The following PRDM5 variants were observed in gnomAD, a reference collection of about 807,000 sequenced individuals.
PRDM5 encodes the protein PR domain zinc finger protein 5.
In PRDM5, 56 loss-of-function variants were observed where a neutral mutation model predicts 81.2. That is an observed-to-expected ratio of 0.69 (90% confidence interval 0.56 to 0.86). The LOEUF (loss-of-function observed/expected upper bound fraction) is 0.86, where lower values mean the gene tolerates loss of function less well. Ranked by LOEUF, PRDM5 falls within the 40% of genes least tolerant of loss-of-function variation. The pLI is 0.00. For synonymous variants in PRDM5, 267 were observed against 256.4 expected, an observed-to-expected ratio of 1.04 and a Z score of -0.39; for missense variants, 697 against 770.1, an observed-to-expected ratio of 0.91 and a Z score of 1.12.
chr4:120,839,257 G>C, intron 3 of PRDM5: 1 of 703,102 alleles, frequency 1.4e-6, no homozygotes, highest in Non-Finnish European at 2.6e-6. Flanking sequence ...GCCATTCGGC[G>C]GGTCCCAAAT....
intron 15 of PRDM5, among the ~76,000 whole-genome samples, chr4:120,701,774 T>C (rs894505144): frequency 8.6e-5 from 13 of 151,912 alleles, no homozygotes; most frequent in Admixed American, 2.6e-4. Flanking sequence ...TCATGCAATA[T>C]ACCCATGTAC....
intron 14 of PRDM5, among the ~76,000 whole-genome samples, chr4:120,736,456 G>T (rs1741146459): frequency 6.6e-6 from 1 of 152,084 alleles, no homozygotes; most frequent in Non-Finnish European, 1.5e-5. Context: ...ACCAGCGAGA[G>T]ACAAAGTAAT....
At chr4:120,899,417 C>A (rs1765002790) in intron 2 of PRDM5, among the ~76,000 whole-genome samples, 1 of 152,180 alleles carries the variant, frequency 6.6e-6, no homozygotes. Context: ...TTTCCTGACT[C>A]AATTCCTGCC....
chr4:120,911,255 G>A (rs1212793494), intron 1 of PRDM5, among the ~76,000 whole-genome samples: 1 of 152,182 alleles, frequency 6.6e-6, no homozygotes, highest in Non-Finnish European at 1.5e-5. Context: ...GATTTTTAGA[G>A]AAGCTAATAA....
rs1157453509 is a variant in PRDM5, at chr4:120,742,852, T to G, written c.1623+11701A>C. Among the ~76,000 whole-genome samples the G allele has an allele frequency of 1.6e-4, 25 of 152,174 alleles. No individual in the cohort carries two copies. The East Asian group carries it at 3.7e-3, about 22-fold the overall frequency. ...AGAATGGAACCAAGTTGGAAAACACTCTGCAGGATATTATCCAGGAGAATT... is the reference window on the plus strand; with the variant it reads ...AGAATGGAACCAAGTTGGAAAACACGCTGCAGGATATTATCCAGGAGAATT... On this transcript the variant is annotated intron_variant, in intron 14 of 15. Coordinates refer to ENST00000264808, the MANE Select transcript of PRDM5 (RefSeq NM_018699.4).
intron 2 of PRDM5, among the ~76,000 whole-genome samples, chr4:120,893,541 G>A (rs72680474): frequency 0.074 from 11,319 of 152,200 alleles, 545 homozygotes; most frequent in Middle Eastern, 0.19. Context: ...TTCCATGTGC[G>A]TTACTTGACC....
intron 15 of PRDM5, among the ~76,000 whole-genome samples, chr4:120,707,273 G>A (rs960553596): frequency 1.2e-4 from 18 of 151,282 alleles, no homozygotes; most frequent in African/African-American, 3.9e-4. Context: ...ACAGTGGTTC[G>A]AATAGGAAAA....
At chr4:120,893,483 C>A (rs542719487) in intron 2 of PRDM5, among the ~76,000 whole-genome samples, 1 of 152,330 alleles carries the variant, frequency 6.6e-6, no homozygotes, top group South Asian at 2.1e-4. Context: ...TCTTTTGATG[C>A]AGTTGACTTG....
intron 14 of PRDM5, among the ~76,000 whole-genome samples, chr4:120,752,280 T>C (rs1035130824): frequency 5.3e-5 from 1 of 19,046 alleles, no homozygotes; most frequent in Non-Finnish European, 1.1e-4. Flanking sequence ...TAAAACTGTC[T>C]GGGTAAAATA....
intron 14 of PRDM5, among the ~76,000 whole-genome samples, chr4:120,751,691 G>A (rs546897529): frequency 6.6e-6 from 1 of 152,308 alleles, no homozygotes; most frequent in South Asian, 2.1e-4. Flanking sequence ...CTCCATGAAA[G>A]GTCAATGATT....
intron 3 of PRDM5, 40 bp downstream of exon 3, chr4:120,853,378 C>G (rs1759506387): frequency 2.5e-6 from 4 of 1,613,086 alleles, no homozygotes; most frequent in Non-Finnish European, 3.4e-6. Flanking sequence ...TTCATCCCCC[C>G]TCACAGTGCA....
chr4:120,866,559 AT>A (rs1388947351), intron 2 of PRDM5, among the ~76,000 whole-genome samples: 1 of 152,198 alleles, frequency 6.6e-6, no homozygotes, highest in Non-Finnish European at 1.5e-5. Context: ...AAACAACTCT[AT>A]GAGGTAAGTG....
intron 15 of PRDM5, among the ~76,000 whole-genome samples, chr4:120,709,900 C>T (rs927533936): frequency 2.0e-5 from 3 of 152,072 alleles, no homozygotes; most frequent in Non-Finnish European, 4.4e-5. Context: ...GAATTTTGTA[C>T]ATGCTTGGCT....
At chr4:120,765,193 G>A (rs1406378240) in intron 13 of PRDM5, among the ~76,000 whole-genome samples, 2 of 152,026 alleles carry the variant, frequency 1.3e-5, no homozygotes, top group African/African-American at 4.8e-5. Context: ...TATCTAAGCT[G>A]ATCACAGGTA....
intron 15 of PRDM5, among the ~76,000 whole-genome samples, chr4:120,701,215 T>C (rs1285860429): frequency 1.3e-5 from 2 of 151,078 alleles, no homozygotes; most frequent in African/African-American, 4.9e-5. Context: ...GGAATGCTTA[T>C]ACACTGTTGG....
intron 14 of PRDM5, among the ~76,000 whole-genome samples, chr4:120,749,204 C>T (rs1204904230): frequency 2.8e-5 from 4 of 141,226 alleles, no homozygotes; most frequent in African/African-American, 1.0e-4. Flanking sequence ...AACTAAATGT[C>T]AAAAAAAAAA....
chr4:120,790,575 C>T (rs980565264), intron 10 of PRDM5, among the ~76,000 whole-genome samples: 3 of 151,918 alleles, frequency 2.0e-5, no homozygotes, highest in East Asian at 1.9e-4. Context: ...TACAGAAATA[C>T]GTAAAGATTC....
chr4:120,905,214 A>C (rs968940840), intron 2 of PRDM5, among the ~76,000 whole-genome samples: 1 of 152,192 alleles, frequency 6.6e-6, no homozygotes, highest in African/African-American at 2.4e-5. Flanking sequence ...GCACTGAAGA[A>C]ACCTTTCAGA....
At chr4:120,732,797 A>C (rs1261690961) in intron 14 of PRDM5, among the ~76,000 whole-genome samples, 1 of 152,230 alleles carries the variant, frequency 6.6e-6, no homozygotes, top group African/African-American at 2.4e-5. Context: ...TATTCCTGCT[A>C]TAACTAGCTA....
Sources: allele counts gnomAD v4.1 joint callset (sites outside exome capture counted in the v4.1 genomes callset), GRCh38; gene constraint gnomAD v4.1.1; transcripts MANE v1.5; gene names NCBI Gene and HGNC (gene_info 2026-07-23, HGNC 2026-07-21).